Variants in SAYSD1 observed in about 807,000 individuals in gnomAD.
SAYSD1 encodes SAYSVFN motif domain containing 1, also known as SAYSvFN domain-containing protein 1.
In SAYSD1, 15 loss-of-function variants were observed where a neutral mutation model predicts 14.5. The observed-to-expected ratio is 1.03, with a 90% CI of 0.69 to 1.59. The LOEUF (loss-of-function observed/expected upper bound fraction) is 1.59. SAYSD1 is among the 40% of genes most tolerant of loss of function. The probability of loss-of-function intolerance (pLI) is 0.00; values close to 1 mark genes in which losing one functional copy is unlikely to be tolerated. For missense variants in SAYSD1, 247 were observed against 227.3 expected (o/e 1.09, Z -0.56); for synonymous variants, 105 against 102.6 (o/e 1.02, Z -0.14).
rs10023 is a variant in SAYSD1 at position 39,104,258 on chromosome 6, A to G, written c.*1174T>C. 43,679 of 151,916 alleles carry G rather than the reference A, an allele frequency of 0.29. 7,652 individuals are homozygous for G. Among genetic ancestry groups the G allele is most frequent in the African/African-American group, 0.49 (20,054 of 41,288 alleles). The allele number at this position is 151,916 out of a possible 1,614,324, so 9.4% of individuals were successfully genotyped here. A position where few individuals can be genotyped will look rare whatever the true frequency, so the allele number is the denominator to read the frequency against. On this transcript the variant is annotated 3_prime_UTR_variant, in exon 2 of 2. Coordinates refer to ENST00000229903, the MANE Select transcript of SAYSD1 (RefSeq NM_018322.3). ...AAAGGGCTGTGAGGAAGGGCAACAC[A>G]TATCAGAAGAATTTTCAGCAAGGGC...
At chr6:39,111,581 G>C (rs543412894) in intron 1 of SAYSD1, 1 of 152,302 alleles carries the variant, frequency 6.6e-6, no homozygotes, top group Non-Finnish European at 1.5e-5. Flanking sequence ...AACTCATTTA[G>C]AGATGAACCT....
rs573581700 is a variant in SAYSD1 at position 39,111,414 on chromosome 6, AC to A, written c.207+3468del. On this transcript the variant is annotated intron_variant, in intron 1 of 1. Transcript: ENST00000229903. ...GTTAAAAAAAAAAAGTATCAAAAAA[AC>A]GTATATGATAGTACATCTGCTGACG... 769 of 152,310 alleles carry A rather than the reference AC, an allele frequency of 5.0e-3. 15 individuals are homozygous for A. The highest frequency in any genetic ancestry group is 3.4e-3 in the Non-Finnish European group (231 of 68,028). 9.4% of individuals were successfully genotyped at this position (152,310 alleles called of 1,614,324 possible). A position where few individuals can be genotyped will look rare whatever the true frequency, so the allele number is the denominator to read the frequency against.
At chr6:39,107,371 A>T (rs937167041) in intron 1 of SAYSD1, among the ~76,000 whole-genome samples, 14 of 152,194 alleles carry the variant, frequency 9.2e-5, no homozygotes, top group African/African-American at 3.4e-4. Flanking sequence ...CCGTTCATTA[A>T]GCACCAAACT....
rs1769464433 is a variant in SAYSD1, at chr6:39,104,908, T to A, written c.*524A>T. ...CTGAAGAGGAGATGTTTTAAAGATA[T>A]TTTATTTTTCAATACCAGTAATGAC... On this transcript the variant is annotated 3_prime_UTR_variant, in exon 2 of 2. Transcript: ENST00000229903. 1 of 153,224 alleles carries A rather than the reference T, an allele frequency of 6.5e-6. No homozygotes were observed. Among genetic ancestry groups the A allele is most frequent in the African/African-American group, 2.4e-5 (1 of 41,282 alleles). 9.5% of individuals were successfully genotyped at this position (153,224 alleles called of 1,614,324 possible).
chr6:39,111,486 A>G (rs1487862402), intron 1 of SAYSD1: 1 of 152,278 alleles, frequency 6.6e-6, no homozygotes, highest in African/African-American at 2.4e-5. Context: ...AAAACTTACC[A>G]TCAGCGATTT....
intron 1 of SAYSD1, chr6:39,110,810 A>G (rs1769611108): frequency 6.6e-6 from 1 of 152,210 alleles, no homozygotes; most frequent in African/African-American, 2.4e-5. Context: ...CTTCAACAAA[A>G]TATTGTCTTT....
chr6:39,109,429 A>G, intron 1 of SAYSD1: 1 of 1,547,190 alleles, frequency 6.5e-7, no homozygotes, highest in Non-Finnish European at 8.7e-7. Context: ...CTCATCAATG[A>G]CTGCTGAAAA....
intron 1 of SAYSD1, among the ~76,000 whole-genome samples, chr6:39,114,597 T>A (rs1769696886): frequency 6.6e-6 from 1 of 152,262 alleles, no homozygotes; most frequent in South Asian, 2.1e-4. Flanking sequence ...GGCGTCACGA[T>A]AACTCAATTC....
In SAYSD1 at chr6:39,114,916, G is replaced by C; in HGVS notation, c.174C>G (p.Pro58=). 1.2e-6 allele frequency: 2 copies of C among 1,612,872 alleles called. No individual in the cohort carries two copies. Among genetic ancestry groups the C allele is most frequent in the Non-Finnish European group, 1.7e-6 (2 of 1,179,902 alleles). ...GGCCGGGCTGGGCCCGGGCACTCGC[G>C]GGCCTAGGTTTCCATACCAGGAACC... The part of the protein sequence containing the change: ...LKRFLVWKPR[P]ASARAQPGLV... The change falls in exon 1 of 2, where the codon CCC becomes CCG. Residue 58 remains proline, a synonymous_variant. Transcript: ENST00000229903.
In SAYSD1 at chr6:39,105,526, G is replaced by A. The variant is rs1769482609; in HGVS notation, c.458C>T (p.Ser153Phe). Reference sequence around the variant, plus strand: ...GGCTTCACAGCCTGGATTGAACACAGAGTAGGCGCTCTTCTCTCCCTCTTT... The same window carrying A: ...GGCTTCACAGCCTGGATTGAACACAAAGTAGGCGCTCTTCTCTCCCTCTTT... ...EKKEGEKSAY[S>F]VFNPGCEAIQ... Residue 153 changes from serine to phenylalanine, a missense_variant, in exon 2 of 2, where the codon TCT becomes TTT. By Grantham distance (155) the Ser-to-Phe change is radical. Coordinates refer to ENST00000229903, the MANE Select transcript of SAYSD1 (RefSeq NM_018322.3). 1.9e-6 allele frequency: 3 copies of A among 1,614,232 alleles called. No individual in the cohort carries two copies. The East Asian group carries it at 6.7e-5, about 36-fold the overall frequency.
intron 1 of SAYSD1, among the ~76,000 whole-genome samples, chr6:39,108,578 C>T (rs920903501): frequency 6.6e-6 from 1 of 152,152 alleles, no homozygotes; most frequent in Non-Finnish European, 1.5e-5. Context: ...CACACACAGG[C>T]ATGGCCCAAG....
At chr6:39,108,063 G>A (rs1769537487) in intron 1 of SAYSD1, among the ~76,000 whole-genome samples, 1 of 152,078 alleles carries the variant, frequency 6.6e-6, no homozygotes, top group Non-Finnish European at 1.5e-5. Flanking sequence ...GCAGTCAGAT[G>A]GAAATAGTGG....
chr6:39,105,349 T>G lies in SAYSD1; in HGVS notation c.*83A>C, dbSNP rs1769475790. On this transcript the variant is annotated 3_prime_UTR_variant, in exon 2 of 2. Transcript: ENST00000229903. The stretch of plus-strand genomic sequence containing the variant: ...GAGCTAACCCGCAAGCTGCCCTTAG[T>G]CCTATACACCTGAAATCAAATCCAT... 1 of 1,199,994 alleles carries G rather than the reference T, an allele frequency of 8.3e-7. No homozygotes were observed. Among genetic ancestry groups the G allele is most frequent in the African/African-American group, 1.5e-5 (1 of 66,546 alleles). The allele number at this position is 1,199,994 out of a possible 1,614,324, so 74.3% of individuals were successfully genotyped here.
In SAYSD1 at chr6:39,114,150, T is replaced by G. The variant is rs535408008; in HGVS notation, c.207+733A>C. On this transcript the variant is annotated intron_variant, in intron 1 of 1. Coordinates refer to ENST00000229903, the MANE Select transcript of SAYSD1 (RefSeq NM_018322.3). The stretch of plus-strand genomic sequence containing the variant: ...ACTCATCCCTTGATATGTTTTGTCT[T>G]GTATTTCCACATAGACATTTCAACC... 2.6e-5 allele frequency among the ~76,000 whole-genome samples: 4 copies of G among 152,376 alleles called. No individual in the cohort carries two copies. The East Asian group carries it at 7.7e-4, about 29-fold the overall frequency.
chr6:39,113,996 C>A (rs1769682144), intron 1 of SAYSD1, among the ~76,000 whole-genome samples: 1 of 152,138 alleles, frequency 6.6e-6, no homozygotes, highest in South Asian at 2.1e-4. Flanking sequence ...AATAGATGAA[C>A]TTACAGGAAA....
chr6:39,114,943 CT>C lies in SAYSD1; in HGVS notation c.146del (p.Lys49SerfsTer19). ...GCCTAGGTTTCCATACCAGGAACCG[CT>C]TTAGCCAGCCTGGGGCTGCCTTTAG... ...ATLKAAPGWL[K>X]RFLVWKPRPA... On this transcript the variant is annotated frameshift_variant, in exon 1 of 2. Coordinates refer to ENST00000229903, the MANE Select transcript of SAYSD1 (RefSeq NM_018322.3). LOFTEE classifies it high-confidence loss of function. 2 of 1,613,816 alleles carry C rather than the reference CT, an allele frequency of 1.2e-6. No individual in the cohort carries two copies. Among genetic ancestry groups the C allele is most frequent in the Non-Finnish European group, 8.5e-7 (1 of 1,179,904 alleles).
chr6:39,105,767 G>C lies in SAYSD1; in HGVS notation c.217C>G (p.Gln73Glu). 6.2e-7 allele frequency: 1 copy of C among 1,613,212 alleles called. No individual in the cohort carries two copies. The highest frequency in any genetic ancestry group is 8.5e-7 in the Non-Finnish European group (1 of 1,179,402). Residue 73 changes from glutamine (Q) to glutamate (E), a missense_variant, in exon 2 of 2, where the codon CAG becomes GAG. Physicochemically the swap from Gln to Glu is conservative, Grantham distance 29. Coordinates refer to ENST00000229903, the MANE Select transcript of SAYSD1 (RefSeq NM_018322.3). ...GTCTCTGATGTGCTGCCCTGGGGCT[G>C]AGCCGCTTCCTAGGATACACAAACA... is the stretch of plus-strand genomic sequence containing the variant. ...AQPGLVQEAA[Q>E]PQGSTSETPW...
rs757477515 is a variant in SAYSD1, at chr6:39,115,096, C to T, written c.-7G>A. ...CAGCTAACCGCTGTTCCATGGCGCGCGCCTCGCGTCCGTTGGCCGATAAGG... is the reference window on the plus strand; with the variant it reads ...CAGCTAACCGCTGTTCCATGGCGCGTGCCTCGCGTCCGTTGGCCGATAAGG... On this transcript the variant is annotated 5_prime_UTR_variant, in exon 1 of 2. Transcript: ENST00000229903. The T allele has an allele frequency of 6.3e-7, 1 of 1,597,972 alleles. No homozygotes were observed. The highest frequency in any genetic ancestry group is 1.1e-5 in the South Asian group (1 of 90,776).
intron 1 of SAYSD1, chr6:39,112,593 C>T (rs1015856379): frequency 2.0e-5 from 3 of 152,226 alleles, no homozygotes; most frequent in Non-Finnish European, 4.4e-5. Context: ...CTCCATGACA[C>T]AAGAAATTCT....
Sources: gnomAD v4.1 joint callset for allele counts (sites outside exome capture counted in the v4.1 genomes callset) on GRCh38, gnomAD v4.1.1 for gene constraint, MANE v1.5 for transcripts, NCBI Gene and HGNC (gene_info 2026-07-23, HGNC 2026-07-21) for gene names.